The following CCDC170 variants were observed in gnomAD, a reference collection of about 807,000 sequenced individuals.
CCDC170 encodes coiled-coil domain-containing protein 170.
In CCDC170, 69 loss-of-function variants were observed where a neutral mutation model predicts 72.6. That is an observed-to-expected ratio of 0.95 (90% CI 0.78 to 1.16). The LOEUF (loss-of-function observed/expected upper bound fraction) is 1.16, where lower values mean the gene tolerates loss of function less well. Among genes scored for constraint, CCDC170 ranks in the 50% most tolerant of loss-of-function variants. The probability of loss-of-function intolerance (pLI) is 0.00; values close to 1 mark genes in which losing one functional copy is unlikely to be tolerated. For synonymous variants in CCDC170, 300 were observed against 303.9 expected, an observed-to-expected ratio of 0.99 and a Z score of 0.13; for missense variants, 852 against 832.5, an observed-to-expected ratio of 1.02 and a Z score of -0.29.
intron 1 of CCDC170, among the ~76,000 whole-genome samples, chr6:151,511,386 G>A (rs1391754308): frequency 6.6e-6 from 1 of 152,210 alleles, no homozygotes; most frequent in East Asian, 1.9e-4. Flanking sequence ...GTGACCAGAG[G>A]GAAGAAGCCT....
chr6:151,593,034 G>A, intron 7 of CCDC170, 73 bp from the exon 8 acceptor site: 1 of 1,486,860 alleles, frequency 6.7e-7, no homozygotes, highest in Admixed American at 1.7e-5. Context: ...GGGAGAAAGA[G>A]GAAGAGATTC....
At chr6:151,570,893 G>A (rs75653820) in intron 5 of CCDC170, among the ~76,000 whole-genome samples, 7,864 of 152,200 alleles carry the variant, frequency 0.052, 300 homozygotes, top group East Asian at 0.21. Context: ...GACTAGTTTA[G>A]CAAAGGAAAG....
At chr6:151,574,190 G>A (rs1562287023) in intron 6 of CCDC170, among the ~76,000 whole-genome samples, 1 of 152,218 alleles carries the variant, frequency 6.6e-6, no homozygotes, top group African/African-American at 2.4e-5. Flanking sequence ...TCCAGCCTGG[G>A]CTACAGAGCA....
At chr6:151,594,232 A>G (rs1283081061) in intron 8 of CCDC170, among the ~76,000 whole-genome samples, 1 of 151,692 alleles carries the variant, frequency 6.6e-6, no homozygotes, top group Non-Finnish European at 1.5e-5. Context: ...ATGCTGTATA[A>G]TGAGTCACAT....
intron 5 of CCDC170, among the ~76,000 whole-genome samples, chr6:151,549,400 G>T (rs917335396): frequency 6.6e-6 from 1 of 152,094 alleles, no homozygotes; most frequent in Non-Finnish European, 1.5e-5. Flanking sequence ...TTGTAGAGAA[G>T]ATGTCTTACT....
intron 6 of CCDC170, among the ~76,000 whole-genome samples, chr6:151,575,419 C>T (rs528655171): frequency 4.0e-4 from 55 of 137,082 alleles, no homozygotes; most frequent in African/African-American, 1.5e-3. Flanking sequence ...GGCAACAGAG[C>T]GAGACTCTGT....
intron 6 of CCDC170, 46 bp from the exon 7 acceptor site, chr6:151,585,843 T>C (rs1195418423): frequency 6.3e-7 from 1 of 1,577,072 alleles, no homozygotes; most frequent in East Asian, 2.3e-5. Flanking sequence ...AACACTTCCT[T>C]GCATCTGAAA....
intron 1 of CCDC170, among the ~76,000 whole-genome samples, chr6:151,514,172 G>A (rs117595301): frequency 5.9e-5 from 9 of 151,282 alleles, no homozygotes; most frequent in East Asian, 3.9e-4. Context: ...GTGGTGGCAC[G>A]TGCTTGTAGT....
At chr6:151,567,953 A>G (rs1049331132) in intron 5 of CCDC170, among the ~76,000 whole-genome samples, 2 of 143,446 alleles carry the variant, frequency 1.4e-5, no homozygotes, top group Non-Finnish European at 3.0e-5. Flanking sequence ...TCTACTAAAA[A>G]TACAAAAATT....
At chr6:151,536,121 C>A in intron 1 of CCDC170, 197 bp from the exon 2 acceptor site, 1 of 567,304 alleles carries the variant, frequency 1.8e-6, no homozygotes, top group Non-Finnish European at 3.0e-6. Flanking sequence ...CATTTGTTCC[C>A]GAACTTTCTC....
intron 4 of CCDC170, 83 bp downstream of exon 4, chr6:151,544,799 T>TG: frequency 7.0e-7 from 1 of 1,435,126 alleles, no homozygotes; most frequent in Non-Finnish European, 9.5e-7. Flanking sequence ...TGGTTGAGTT[T>TG]GGGGGTGGCA....
At chr6:151,571,908 T>C (rs1776224460) in intron 5 of CCDC170, among the ~76,000 whole-genome samples, 1 of 152,186 alleles carries the variant, frequency 6.6e-6, no homozygotes, top group Non-Finnish European at 1.5e-5. Flanking sequence ...AAGTCTGGAG[T>C]GCACTGATGC....
chr6:151,506,184 A>G (rs1041901064), intron 1 of CCDC170, among the ~76,000 whole-genome samples: 2 of 152,222 alleles, frequency 1.3e-5, no homozygotes, highest in Non-Finnish European at 2.9e-5. Context: ...TCATGGACCC[A>G]TCAGCAATAT....
intron 1 of CCDC170, among the ~76,000 whole-genome samples, chr6:151,508,377 A>C (rs1417454882): frequency 9.9e-5 from 15 of 151,990 alleles, no homozygotes; most frequent in Admixed American, 9.8e-4. Context: ...GCCTCTCCTA[A>C]AAATACAAAA....
intron 5 of CCDC170, among the ~76,000 whole-genome samples, chr6:151,565,728 T>G (rs894618598): frequency 6.6e-6 from 1 of 152,262 alleles, no homozygotes; most frequent in African/African-American, 2.4e-5. Flanking sequence ...TTCTATATAC[T>G]TCCCGGTTTT....
intron 1 of CCDC170, among the ~76,000 whole-genome samples, chr6:151,500,781 A>G (rs546394077): frequency 1.2e-4 from 18 of 152,232 alleles, no homozygotes; most frequent in Non-Finnish European, 8.8e-5. Flanking sequence ...AAATAGAAAA[A>G]CAAAAATTGG....
chr6:151,614,804 A>T (rs1451096152), intron 9 of CCDC170, among the ~76,000 whole-genome samples: 1 of 152,046 alleles, frequency 6.6e-6, no homozygotes, highest in East Asian at 1.9e-4. Context: ...ATAAGCTAAT[A>T]CGGAGAATGT....
At chr6:151,572,850 C>T (rs1447498616) in intron 5 of CCDC170, among the ~76,000 whole-genome samples, 1 of 151,648 alleles carries the variant, frequency 6.6e-6, no homozygotes. Context: ...GGTGGGGTTT[C>T]ACCATGTTGG....
intron 1 of CCDC170, 61 bp downstream of exon 1, chr6:151,494,246 G>A: frequency 7.0e-7 from 1 of 1,423,616 alleles, no homozygotes; most frequent in Non-Finnish European, 9.2e-7. Context: ...ACCCAGGAGG[G>A]GCCGAGGCGC....
Sources: allele counts gnomAD v4.1 joint callset (sites outside exome capture counted in the v4.1 genomes callset), GRCh38; gene constraint gnomAD v4.1.1; transcripts MANE v1.5; gene names NCBI Gene and HGNC (gene_info 2026-07-23, HGNC 2026-07-21).